COG5: variants seen among roughly 807,000 people sequenced by gnomAD.
COG5 encodes the protein component of oligomeric golgi complex 5.
A neutral mutation model predicts 110.4 loss-of-function variants in COG5; 86 were observed. That is an observed-to-expected ratio of 0.78 (90% CI 0.65 to 0.93). The LOEUF (loss-of-function observed/expected upper bound fraction) is 0.93. Among genes scored for constraint, COG5 ranks in the 40% least tolerant of loss-of-function variants. The probability of loss-of-function intolerance (pLI) is 0.00; values close to 1 mark genes in which losing one functional copy is unlikely to be tolerated. For synonymous variants in COG5, 360 were observed against 334.6 expected, an observed-to-expected ratio of 1.08 and a Z score of -0.83; for missense variants, 1,077 against 987.0, an observed-to-expected ratio of 1.09 and a Z score of -1.22.
intron 7 of COG5, among the ~76,000 whole-genome samples, chr7:107,386,518 T>C (rs1414364816): frequency 6.6e-6 from 1 of 151,974 alleles, no homozygotes; most frequent in Non-Finnish European, 1.5e-5. Flanking sequence ...AGTCAGTGAG[T>C]AATCAGTAAG....
chr7:107,387,667 T>TA (rs1790307794), intron 7 of COG5, among the ~76,000 whole-genome samples: 1 of 152,106 alleles, frequency 6.6e-6, no homozygotes, highest in Non-Finnish European at 1.5e-5. Flanking sequence ...AAGGAGCAGT[T>TA]AAAAACCGGA....
chr7:107,347,571 A>G (rs1192432311), intron 10 of COG5, among the ~76,000 whole-genome samples: 1 of 152,212 alleles, frequency 6.6e-6, no homozygotes, highest in African/African-American at 2.4e-5. Flanking sequence ...TTGAATAGCT[A>G]GAAGGAGGAT....
At chr7:107,241,545 G>A (rs982783049) in intron 17 of COG5, among the ~76,000 whole-genome samples, 9 of 151,378 alleles carry the variant, frequency 5.9e-5, no homozygotes, top group Non-Finnish European at 8.8e-5. Context: ...CTCCGCCTCC[G>A]GGGTTCACGC....
At chr7:107,368,691 G>C (rs1305194916) in intron 8 of COG5, among the ~76,000 whole-genome samples, 2 of 152,012 alleles carry the variant, frequency 1.3e-5, no homozygotes, top group African/African-American at 4.8e-5. Flanking sequence ...TCACTGTATA[G>C]TAACAACTAC....
At chr7:107,331,302 C>A (rs942949508) in intron 10 of COG5, among the ~76,000 whole-genome samples, 7 of 151,952 alleles carry the variant, frequency 4.6e-5, no homozygotes, top group African/African-American at 1.7e-4. Flanking sequence ...ACCATCTCTA[C>A]TAAAAATACA....
intron 17 of COG5, among the ~76,000 whole-genome samples, chr7:107,246,727 C>A (rs1213508031): frequency 6.6e-6 from 1 of 152,096 alleles, no homozygotes; most frequent in Non-Finnish European, 1.5e-5. Context: ...AAATAAGATG[C>A]TGGTGAGGTT....
At chr7:107,546,599 A>G (rs1043768003) in intron 5 of COG5, among the ~76,000 whole-genome samples, 5 of 151,804 alleles carry the variant, frequency 3.3e-5, no homozygotes, top group African/African-American at 9.7e-5. Flanking sequence ...ATGCCTTGCT[A>G]TAAGAGTTGG....
chr7:107,421,765 CAA>C (rs202025992), intron 6 of COG5, among the ~76,000 whole-genome samples: 17 of 120,334 alleles, frequency 1.4e-4, no homozygotes, highest in East Asian at 2.7e-4. Flanking sequence ...GACTCCGTCT[CAA>C]AAAAAAAAAA....
intron 6 of COG5, among the ~76,000 whole-genome samples, chr7:107,454,138 A>C (rs886137639): frequency 1.4e-5 from 2 of 144,494 alleles, no homozygotes; most frequent in Non-Finnish European, 3.0e-5. Flanking sequence ...TAATTGAAAA[A>C]TAATAAAATT....
At chr7:107,344,012 G>A (rs1811391959) in intron 10 of COG5, among the ~76,000 whole-genome samples, 1 of 151,934 alleles carries the variant, frequency 6.6e-6, no homozygotes, top group Non-Finnish European at 1.5e-5. Flanking sequence ...ATTCTTAAAG[G>A]CCCTAGGATT....
chr7:107,541,447 A>C (rs1345126795), intron 5 of COG5, among the ~76,000 whole-genome samples: 1 of 130,652 alleles, frequency 7.7e-6, no homozygotes, highest in Non-Finnish European at 1.6e-5. Flanking sequence ...CAGTGGGTTG[A>C]GATCGTGCCA....
intron 10 of COG5, among the ~76,000 whole-genome samples, chr7:107,325,851 T>C (rs1040509089): frequency 1.2e-4 from 19 of 152,204 alleles, no homozygotes; most frequent in Admixed American, 2.6e-4. Context: ...AAATAAGTCT[T>C]ATGGTTGTAA....
At chr7:107,277,303 T>C (rs1329911361) in intron 14 of COG5, among the ~76,000 whole-genome samples, 1 of 152,102 alleles carries the variant, frequency 6.6e-6, no homozygotes, top group Non-Finnish European at 1.5e-5. Context: ...GAGGTGAACA[T>C]GGGAGAGAAT....
intron 7 of COG5, among the ~76,000 whole-genome samples, chr7:107,411,325 TCTTA>T (rs1792277879): frequency 6.6e-6 from 1 of 152,188 alleles, no homozygotes; most frequent in African/African-American, 2.4e-5. Context: ...AGGTATCTTC[TCTTA>T]CTTAATGTAG....
At chr7:107,521,775 A>G (rs568652235) in intron 6 of COG5, among the ~76,000 whole-genome samples, 4 of 152,354 alleles carry the variant, frequency 2.6e-5, no homozygotes, top group African/African-American at 7.2e-5. Context: ...CAGCAATCCC[A>G]TTACTGGGAT....
intron 12 of COG5, among the ~76,000 whole-genome samples, chr7:107,288,182 A>G (rs570232777): frequency 6.6e-6 from 1 of 152,234 alleles, no homozygotes; most frequent in Non-Finnish European, 1.5e-5. Context: ...TGTGCAACAA[A>G]GTTAAACCTC....
intron 6 of COG5, among the ~76,000 whole-genome samples, chr7:107,516,817 C>G (rs1433304258): frequency 6.6e-6 from 1 of 152,140 alleles, no homozygotes; most frequent in Non-Finnish European, 1.5e-5. Flanking sequence ...ACAACAACAA[C>G]AAAAAGACCC....
intron 13 of COG5, among the ~76,000 whole-genome samples, chr7:107,282,642 C>G (rs1805274909): frequency 6.6e-6 from 1 of 152,146 alleles, no homozygotes; most frequent in South Asian, 2.1e-4. Context: ...ATGCCTCAGC[C>G]TCCCGAGTAG....
chr7:107,499,599 G>A (rs890807080), intron 6 of COG5, among the ~76,000 whole-genome samples: 4 of 151,948 alleles, frequency 2.6e-5, no homozygotes, highest in Admixed American at 1.3e-4. Context: ...TAGAGGTGGG[G>A]TTTCACCATG....
Sources: allele counts gnomAD v4.1 joint callset (sites outside exome capture counted in the v4.1 genomes callset), GRCh38; gene constraint gnomAD v4.1.1; transcripts MANE v1.5; gene names NCBI Gene and HGNC (gene_info 2026-07-23, HGNC 2026-07-21).